The following UBE2Q2 variants were observed in gnomAD, a reference collection of about 807,000 sequenced individuals.
UBE2Q2 encodes the protein ubiquitin-conjugating enzyme E2 Q2.
UBE2Q2 carries 54 observed loss-of-function variants against 59.9 expected under a neutral mutation model. That is an observed-to-expected ratio of 0.90 (90% CI 0.72 to 1.13). The LOEUF is 1.13. UBE2Q2 is among the 50% of genes most tolerant of loss of function. The pLI is 0.00. For synonymous variants in UBE2Q2, 165 were observed against 155.2 expected, an observed-to-expected ratio of 1.06 and a Z score of -0.47; for missense variants, 433 against 441.9, an observed-to-expected ratio of 0.98 and a Z score of 0.18.
chr15:75,866,030 C>T (rs1351781094), intron 3 of UBE2Q2, among the ~76,000 whole-genome samples: 2 of 152,100 alleles, frequency 1.3e-5, no homozygotes, highest in African/African-American at 4.8e-5. Flanking sequence ...CAGTTCTTTA[C>T]GCTTTTATCT....
At chr15:75,872,972 A>T (rs2141615371) in intron 4 of UBE2Q2, among the ~76,000 whole-genome samples, 1 of 152,214 alleles carries the variant, frequency 6.6e-6, no homozygotes, top group Admixed American at 6.5e-5. Flanking sequence ...GCACATGCAG[A>T]TTTTGTGTTT....
intron 1 of UBE2Q2, chr15:75,844,112 G>A: frequency 7.1e-7 from 1 of 1,415,250 alleles, no homozygotes; most frequent in Non-Finnish European, 9.2e-7. Context: ...CCGTCTCCTA[G>A]CCCCGAGGGG....
At chr15:75,884,027 A>G (rs139758382) in intron 9 of UBE2Q2, among the ~76,000 whole-genome samples, 65 of 152,316 alleles carry the variant, frequency 4.3e-4, no homozygotes, top group African/African-American at 1.4e-3. Flanking sequence ...TCATGGACCT[A>G]TGGAACTGGC....
rs558452441 is a variant in UBE2Q2, at chr15:75,869,041, A to G, written c.447+31A>G. On this transcript the variant is annotated intron_variant, in intron 4 of 12. Transcript: ENST00000267938. Reference sequence around the variant, plus strand: ...TATTTTATATAAAAGAAGAGTTCATAAATTTCTTCATTTTTGAACATTTGA... The same window carrying G: ...TATTTTATATAAAAGAAGAGTTCATGAATTTCTTCATTTTTGAACATTTGA... 67 of 1,571,432 alleles carry G rather than the reference A, an allele frequency of 4.3e-5. 1 individual carries two copies. In the South Asian group the frequency reaches 7.3e-4, roughly 17 times the overall value.
chr15:75,880,793 A>C (rs1336224372), intron 8 of UBE2Q2, among the ~76,000 whole-genome samples: 2 of 152,138 alleles, frequency 1.3e-5, no homozygotes, highest in Non-Finnish European at 2.9e-5. Context: ...TTTAATATGG[A>C]TCTGGATGAG....
chr15:75,879,573 TG>T (rs1898282748), intron 8 of UBE2Q2, among the ~76,000 whole-genome samples: 1 of 152,156 alleles, frequency 6.6e-6, no homozygotes, highest in Non-Finnish European at 1.5e-5. Flanking sequence ...GTAAAACTAA[TG>T]TTGATTAGGG....
intron 1 of UBE2Q2, among the ~76,000 whole-genome samples, chr15:75,852,408 T>C (rs1366062798): frequency 2.6e-5 from 4 of 152,210 alleles, no homozygotes; most frequent in African/African-American, 9.7e-5. Context: ...GGTCCCCACT[T>C]TGGGAACCAT....
chr15:75,847,654 C>T (rs1896423483), intron 1 of UBE2Q2, among the ~76,000 whole-genome samples: 1 of 152,114 alleles, frequency 6.6e-6, no homozygotes, highest in Non-Finnish European at 1.5e-5. Flanking sequence ...TGCAAAGCAG[C>T]TTGTTTTAAG....
rs542837646 is a variant in UBE2Q2 at position 75,891,648 on chromosome 15, C to G, written c.1029+634C>G. The stretch of plus-strand genomic sequence containing the variant: ...TGGCAGAACAAGGATTGGAACTAGA[C>G]AGTCTGGCTGCCCTAGGCCCAACCA... On this transcript the variant is annotated intron_variant, in intron 11 of 12. Transcript: ENST00000267938. Among the ~76,000 whole-genome samples the G allele has an allele frequency of 2.4e-4, 36 of 152,286 alleles. No individual in the cohort carries two copies. The South Asian group carries it at 6.6e-3, about 28-fold the overall frequency.
At chr15:75,884,241 G>A (rs1898625010) in intron 9 of UBE2Q2, among the ~76,000 whole-genome samples, 1 of 152,190 alleles carries the variant, frequency 6.6e-6, no homozygotes, top group Non-Finnish European at 1.5e-5. Context: ...TCTATTATGT[G>A]ACATAATCTA....
intron 2 of UBE2Q2, among the ~76,000 whole-genome samples, chr15:75,856,889 C>T (rs1325719917): frequency 2.0e-5 from 3 of 151,060 alleles, no homozygotes; most frequent in Admixed American, 6.6e-5. Flanking sequence ...TGCAGTGAGC[C>T]GAGATTGTGC....
chr15:75,877,218 G>A (rs1219989958), intron 6 of UBE2Q2, among the ~76,000 whole-genome samples: 1 of 145,516 alleles, frequency 6.9e-6, no homozygotes, highest in Non-Finnish European at 1.5e-5. Flanking sequence ...CATTATGACC[G>A]ATTCAGGAAT....
At chr15:75,884,587 A>G (rs1898649730) in intron 9 of UBE2Q2, among the ~76,000 whole-genome samples, 1 of 152,032 alleles carries the variant, frequency 6.6e-6, no homozygotes, top group South Asian at 2.1e-4. Flanking sequence ...TGTTTTTTTA[A>G]CCTTTCGTAT....
rs1220292637 is a variant in UBE2Q2, at chr15:75,848,232, A to G, written c.180+4386A>G. 1.3e-5 allele frequency among the ~76,000 whole-genome samples: 2 copies of G among 152,224 alleles called. 1 individual carries two copies. Among genetic ancestry groups the G allele is most frequent in the Admixed American group, 1.3e-4 (2 of 15,286 alleles). On this transcript the variant is annotated intron_variant, in intron 1 of 12. Coordinates refer to ENST00000267938, the MANE Select transcript of UBE2Q2 (RefSeq NM_173469.4). Reference sequence around the variant, plus strand: ...TGTGGCTGAATAACACTTTATTTTGAAAATGCTTTATAACAGGTTTTTGTG... The same window carrying G: ...TGTGGCTGAATAACACTTTATTTTGGAAATGCTTTATAACAGGTTTTTGTG...
chr15:75,858,806 T>A (rs1226740438), intron 2 of UBE2Q2, among the ~76,000 whole-genome samples: 1 of 152,232 alleles, frequency 6.6e-6, no homozygotes, highest in Non-Finnish European at 1.5e-5. Context: ...GGATATCAAA[T>A]CCACACTGGA....
intron 3 of UBE2Q2, among the ~76,000 whole-genome samples, chr15:75,864,695 A>G (rs560009944): frequency 2.5e-4 from 38 of 151,814 alleles, no homozygotes; most frequent in Non-Finnish European, 4.7e-4. Flanking sequence ...TTTCACTTCA[A>G]AAGTTTTCTT....
intron 8 of UBE2Q2, among the ~76,000 whole-genome samples, chr15:75,881,157 A>G (rs766247631): frequency 6.6e-6 from 1 of 152,218 alleles, no homozygotes; most frequent in Non-Finnish European, 1.5e-5. Flanking sequence ...CAAAACACAC[A>G]AAAAAGGAAG....
In UBE2Q2 at chr15:75,890,938, C is replaced by T. The variant is rs1188200794; in HGVS notation, c.953C>T (p.Ser318Leu). ...CTGTAGGGCTGGAGCAGTGCCTACT[C>T]AATAGAATCGGTCATCATGCAAATA... ...LTKQGWSSAY[S>L]IESVIMQINA... The change falls in exon 11 of 13, where the codon TCA becomes TTA. Residue 318 changes from serine to leucine, a missense_variant. Transcript: ENST00000267938. The T allele has an allele frequency of 6.2e-7, 1 of 1,612,868 alleles. No homozygotes were observed. Among genetic ancestry groups the T allele is most frequent in the Admixed American group, 1.7e-5 (1 of 60,014 alleles).
intron 9 of UBE2Q2, among the ~76,000 whole-genome samples, chr15:75,888,862 T>C (rs1898937843): frequency 6.6e-6 from 1 of 152,154 alleles, no homozygotes; most frequent in Non-Finnish European, 1.5e-5. Flanking sequence ...CTCTGCATCC[T>C]CAAAGGAAGA....
Sources: gnomAD v4.1 joint callset for allele counts (sites outside exome capture counted in the v4.1 genomes callset) on GRCh38, gnomAD v4.1.1 for gene constraint, MANE v1.5 for transcripts, NCBI Gene and HGNC (gene_info 2026-07-23, HGNC 2026-07-21) for gene names.